Variants in UBE2R2 observed in about 807,000 individuals in gnomAD.
UBE2R2 encodes ubiquitin-conjugating enzyme E2 R2.
In UBE2R2, 1 loss-of-function variant was observed where a neutral mutation model predicts 27.8. The ratio of observed to expected loss-of-function variants is 0.04; its 90% CI spans 0.01 to 0.17. The LOEUF is 0.17. Among genes scored for constraint, UBE2R2 ranks in the 10% least tolerant of loss-of-function variants. The pLI, the probability that UBE2R2 is intolerant of heterozygous loss-of-function variation, is 1.00. For missense variants in UBE2R2, 100 were observed against 291.0 expected, an observed-to-expected ratio of 0.34 and a Z score of 4.78; for synonymous variants, 106 against 113.3, an observed-to-expected ratio of 0.94 and a Z score of 0.41.
chr9:33,885,868 C>T (rs573940742), intron 1 of UBE2R2, among the ~76,000 whole-genome samples: 12 of 152,002 alleles, frequency 7.9e-5, no homozygotes, highest in Non-Finnish European at 1.6e-4. Context: ...ATATAAAATA[C>T]GGGGATACTG....
At chr9:33,842,273 C>T (rs1820748000) in intron 1 of UBE2R2, among the ~76,000 whole-genome samples, 1 of 151,978 alleles carries the variant, frequency 6.6e-6, no homozygotes, top group Non-Finnish European at 1.5e-5. Context: ...TGGTGGTGCA[C>T]ACCTGTAGTC....
intron 1 of UBE2R2, among the ~76,000 whole-genome samples, chr9:33,863,435 C>G (rs970712576): frequency 6.6e-6 from 1 of 151,566 alleles, no homozygotes; most frequent in African/African-American, 2.4e-5. Flanking sequence ...TCGCCTGAAC[C>G]CGGGAGGCAG....
chr9:33,909,405 T>C (rs551384043), intron 3 of UBE2R2, among the ~76,000 whole-genome samples: 2 of 152,280 alleles, frequency 1.3e-5, no homozygotes, highest in Admixed American at 1.3e-4. Flanking sequence ...GGGAAATCGC[T>C]TGAACCCGGG....
intron 2 of UBE2R2, among the ~76,000 whole-genome samples, chr9:33,897,259 A>G (rs1463057295): frequency 6.7e-6 from 1 of 149,054 alleles, no homozygotes; most frequent in Non-Finnish European, 1.5e-5. Flanking sequence ...GATGGTCTCA[A>G]TCTCCTGACC....
intron 3 of UBE2R2, 103 bp from the exon 4 acceptor site, chr9:33,911,857 TAAGG>T (rs1159330456): frequency 1.8e-6 from 2 of 1,105,008 alleles, no homozygotes; most frequent in Non-Finnish European, 2.4e-6. Context: ...AGAAAAATTT[TAAGG>T]GAGGGAGAAT....
intron 1 of UBE2R2, among the ~76,000 whole-genome samples, chr9:33,843,742 T>C (rs941467777): frequency 6.6e-6 from 1 of 152,224 alleles, no homozygotes; most frequent in African/African-American, 2.4e-5. Context: ...CTCAGAGTGC[T>C]GGGATTACAG....
chr9:33,853,169 C>T (rs971631141), intron 1 of UBE2R2, among the ~76,000 whole-genome samples: 42 of 151,528 alleles, frequency 2.8e-4, no homozygotes, highest in Admixed American at 2.8e-3. Context: ...TTATTTAAGG[C>T]CTACTATCTG....
chr9:33,854,737 A>C, intron 1 of UBE2R2, among the ~76,000 whole-genome samples: 1 of 143,632 alleles, frequency 7.0e-6, no homozygotes. Flanking sequence ...TTTTTTTTCC[A>C]AGACAGGGTC....
chr9:33,844,322 A>T (rs1015842069), intron 1 of UBE2R2, among the ~76,000 whole-genome samples: 5 of 151,972 alleles, frequency 3.3e-5, no homozygotes, highest in African/African-American at 1.2e-4. Context: ...CTTCTGCCTC[A>T]GCCTCCCCAG....
chr9:33,886,809 G>GATC, intron 1 of UBE2R2, 72 bp from the exon 2 acceptor site: 1 of 1,274,578 alleles, frequency 7.8e-7, no homozygotes, highest in South Asian at 1.4e-5. Context: ...GTGGCGTGTA[G>GATC]TAGGGTGAAT....
chr9:33,871,420 A>C (rs996469003), intron 1 of UBE2R2, among the ~76,000 whole-genome samples: 7 of 152,204 alleles, frequency 4.6e-5, no homozygotes, highest in African/African-American at 1.7e-4. Context: ...GTCCATTGTC[A>C]GGGTGAGTTG....
intron 1 of UBE2R2, among the ~76,000 whole-genome samples, chr9:33,857,538 A>G (rs769832350): frequency 2.0e-5 from 3 of 151,916 alleles, no homozygotes; most frequent in African/African-American, 7.3e-5. Flanking sequence ...CTGGTCTGGA[A>G]CTTCTGACCT....
intron 3 of UBE2R2, among the ~76,000 whole-genome samples, chr9:33,904,131 C>A (rs563149939): frequency 5.3e-5 from 8 of 152,132 alleles, no homozygotes; most frequent in Non-Finnish European, 1.0e-4. Context: ...GGAATACTTT[C>A]GCTTATCCCT....
chr9:33,823,622 C>T (rs548459967), intron 1 of UBE2R2, among the ~76,000 whole-genome samples: 6 of 152,234 alleles, frequency 3.9e-5, no homozygotes, highest in South Asian at 2.1e-4. Context: ...ATGATCTACC[C>T]GCCTTGGCCT....
chr9:33,835,487 C>A (rs1245323991), intron 1 of UBE2R2, among the ~76,000 whole-genome samples: 1 of 152,034 alleles, frequency 6.6e-6, no homozygotes, highest in African/African-American at 2.4e-5. Flanking sequence ...ATATGCTGTA[C>A]TTCATTTCTA....
At chr9:33,838,903 G>T (rs896208340) in intron 1 of UBE2R2, among the ~76,000 whole-genome samples, 1 of 151,868 alleles carries the variant, frequency 6.6e-6, no homozygotes, top group Admixed American at 6.6e-5. Flanking sequence ...CCAACATGGA[G>T]AAACCTGGTC....
intron 1 of UBE2R2, among the ~76,000 whole-genome samples, chr9:33,863,437 G>A (rs754373224): frequency 1.1e-4 from 16 of 151,708 alleles, no homozygotes; most frequent in Non-Finnish European, 1.9e-4. Flanking sequence ...GCCTGAACCC[G>A]GGAGGCAGAG....
chr9:33,881,540 G>T (rs961313987), intron 1 of UBE2R2, among the ~76,000 whole-genome samples: 1 of 152,032 alleles, frequency 6.6e-6, no homozygotes, highest in Non-Finnish European at 1.5e-5. Flanking sequence ...TAGTTGTCCC[G>T]TCTTTTTAGT....
chr9:33,902,974 CT>C (rs1207416556), intron 3 of UBE2R2, among the ~76,000 whole-genome samples: 1 of 152,044 alleles, frequency 6.6e-6, no homozygotes, highest in Non-Finnish European at 1.5e-5. Context: ...TGGCACCTGC[CT>C]GTAATCCCAG....
Sources: allele counts gnomAD v4.1 joint callset (sites outside exome capture counted in the v4.1 genomes callset), GRCh38; gene constraint gnomAD v4.1.1; transcripts MANE v1.5; gene names NCBI Gene and HGNC (gene_info 2026-07-23, HGNC 2026-07-21).